Variants in ANKRD13A observed in about 807,000 individuals in gnomAD.
ANKRD13A encodes ankyrin repeat domain 13A, also known as ankyrin repeat domain-containing protein 13A.
In ANKRD13A, 48 loss-of-function variants were observed where a neutral mutation model predicts 81.3. The observed-to-expected ratio is 0.59, with a 90% CI of 0.47 to 0.75. The LOEUF (loss-of-function observed/expected upper bound fraction) is 0.75. Among genes scored for constraint, ANKRD13A ranks in the 30% least tolerant of loss-of-function variants. The probability of loss-of-function intolerance (pLI) is 0.00; values close to 1 mark genes in which losing one functional copy is unlikely to be tolerated. For synonymous variants in ANKRD13A, 230 were observed against 270.1 expected, an observed-to-expected ratio of 0.85 and a Z score of 1.45; for missense variants, 612 against 734.0, an observed-to-expected ratio of 0.83 and a Z score of 1.92.
chr12:110,038,205 T>C lies in ANKRD13A; in HGVS notation c.*651T>C, dbSNP rs1021184530. 1.3e-5 allele frequency: 2 copies of C among 152,814 alleles called. No homozygotes were observed. Among genetic ancestry groups the C allele is most frequent in the South Asian group, 2.1e-4 (1 of 4,834 alleles). 9.5% of individuals were successfully genotyped at this position (152,814 alleles called of 1,614,324 possible). On this transcript the variant is annotated 3_prime_UTR_variant, in exon 15 of 15. Transcript: ENST00000261739. The stretch of plus-strand genomic sequence containing the variant: ...TCAAATTAAGATACACAAATGGCCA[T>C]GGATGTTGCCTTAGCCTTAAACATT...
At chr12:110,032,090 C>A in intron 12 of ANKRD13A, among the ~76,000 whole-genome samples, 1 of 151,994 alleles carries the variant, frequency 6.6e-6, no homozygotes, top group South Asian at 2.1e-4. Flanking sequence ...ACATCTAGTA[C>A]AATGTTGAGT....
chr12:110,027,360 T>C, intron 8 of ANKRD13A: 2 of 260,908 alleles, frequency 7.7e-6, no homozygotes, highest in Non-Finnish European at 1.5e-5. Flanking sequence ...ACCACCACCA[T>C]TGCCATTACT....
rs1566050295 is a variant in ANKRD13A at position 110,013,179 on chromosome 12, A to G, written c.284A>G (p.Gln95Arg). 2.5e-6 allele frequency: 4 copies of G among 1,614,198 alleles called. No individual in the cohort carries two copies. Among genetic ancestry groups the G allele is most frequent in the Non-Finnish European group, 3.4e-6 (4 of 1,180,026 alleles). The change falls in exon 3 of 15, where the codon CAA becomes CGA. Residue 95 changes from glutamine to arginine, a missense_variant. Physicochemically the swap from Gln to Arg is conservative, Grantham distance 43 (BLOSUM62 1). Coordinates refer to ENST00000261739, the MANE Select transcript of ANKRD13A (RefSeq NM_033121.2). ...CCTGAGATGGTGTACACAGTTCTCC[A>G]ACATCGAGACTACCACAACACATCC... ...GDPEMVYTVL[Q>R]HRDYHNTSMA...
rs529527126 is a variant in ANKRD13A at position 110,032,033 on chromosome 12, T to A, written c.1348+1275T>A. 2.0e-4 allele frequency among the ~76,000 whole-genome samples: 30 copies of A among 152,296 alleles called. 1 individual carries two copies. Among genetic ancestry groups the A allele is most frequent in the South Asian group, 1.5e-3 (7 of 4,824 alleles). Reference sequence around the variant, plus strand: ...GAAAATTTTACTTTTTCCTTTCTAATCTTTAAGCTTTTCATTTCTTTTTCT... The same window carrying A: ...GAAAATTTTACTTTTTCCTTTCTAAACTTTAAGCTTTTCATTTCTTTTTCT... On this transcript the variant is annotated intron_variant, in intron 12 of 14. Transcript: ENST00000261739.
intron 1 of ANKRD13A, among the ~76,000 whole-genome samples, chr12:110,001,535 G>A (rs927458133): frequency 6.6e-6 from 1 of 151,534 alleles, no homozygotes; most frequent in Non-Finnish European, 1.5e-5. Context: ...CGCCTCCCGG[G>A]TTCCAGCGAT....
At chr12:110,029,952 A>T (rs1424302701) in intron 11 of ANKRD13A, among the ~76,000 whole-genome samples, 1 of 152,224 alleles carries the variant, frequency 6.6e-6, no homozygotes, top group Non-Finnish European at 1.5e-5. Context: ...GAGACTTCAA[A>T]TTAGATAATT....
rs548545767 is a variant in ANKRD13A at position 110,036,699 on chromosome 12, G to A, written c.1577+371G>A. Among the ~76,000 whole-genome samples, 13 of 152,146 alleles carry A rather than the reference G, an allele frequency of 8.5e-5. No homozygotes were observed. The highest frequency in any genetic ancestry group is 3.3e-4 in the Admixed American group (5 of 15,288). On this transcript the variant is annotated intron_variant, in intron 14 of 14. Transcript: ENST00000261739. The surrounding 1 kb of genome is among the most constrained non-coding windows in gnomAD (Gnocchi z 4.6). ...CAGGAGGCGGAGCTTGCAGTGAGCC[G>A]AGATCGCGCCACTGCACTCCAGCCT...
At chr12:110,001,847 C>G (rs1195082138) in intron 1 of ANKRD13A, among the ~76,000 whole-genome samples, 1 of 152,174 alleles carries the variant, frequency 6.6e-6, no homozygotes, top group Non-Finnish European at 1.5e-5. Context: ...AAATGATTCA[C>G]CATTAGGCAT....
Position 110,036,454 on chromosome 12 carries a change from G to A in ANKRD13A, c.1577+126G>A. On this transcript the variant is annotated intron_variant, in intron 14 of 14. Coordinates refer to ENST00000261739, the MANE Select transcript of ANKRD13A (RefSeq NM_033121.2). This position sits in a 1 kb window ranked among gnomAD's most constrained non-coding sequence, Gnocchi z 4.6. ...TACGGTGCCACAAACTGGCAGGAAAGACTAGAAAAAGTAGGCCAGGAGCGG... is the reference window on the plus strand; with the variant it reads ...TACGGTGCCACAAACTGGCAGGAAAAACTAGAAAAAGTAGGCCAGGAGCGG... 9.3e-7 allele frequency: 1 copy of A among 1,070,152 alleles called. No homozygotes were observed. The highest frequency in any genetic ancestry group is 1.3e-5 in the South Asian group (1 of 77,604). The allele number at this position is 1,070,152 out of a possible 1,614,324, so 66.3% of individuals were successfully genotyped here. A position where few individuals can be genotyped will look rare whatever the true frequency, so the allele number is the denominator to read the frequency against.
chr12:110,020,389 G>C (rs531062611), intron 6 of ANKRD13A, among the ~76,000 whole-genome samples: 5 of 152,310 alleles, frequency 3.3e-5, no homozygotes, highest in Middle Eastern at 3.4e-3. Flanking sequence ...GTTTAGTCAA[G>C]CATAAAACTT....
intron 12 of ANKRD13A, among the ~76,000 whole-genome samples, chr12:110,031,870 CT>C (rs58401827): frequency 0.03 from 4,448 of 149,182 alleles, 126 homozygotes; most frequent in African/African-American, 0.072. Context: ...AATTTTTTAT[CT>C]TTTTTTTTTC....
intron 12 of ANKRD13A, 56 bp downstream of exon 12, chr12:110,030,814 G>C: frequency 1.6e-6 from 2 of 1,217,576 alleles, no homozygotes; most frequent in Non-Finnish European, 2.3e-6. Context: ...AAAATTTATG[G>C]CCGGACGTGG....
At chr12:110,000,300 G>T (rs1203712455) in intron 1 of ANKRD13A, among the ~76,000 whole-genome samples, 1 of 152,196 alleles carries the variant, frequency 6.6e-6, no homozygotes, top group Non-Finnish European at 1.5e-5. Context: ...TAACTTAGCT[G>T]TAGAATGAGG....
Position 110,036,750 on chromosome 12 carries a change from A to AG in ANKRD13A, c.1577+422_1577+423insG, listed in dbSNP as rs1050861585. On this transcript the variant is annotated intron_variant, in intron 14 of 14. Coordinates refer to ENST00000261739, the MANE Select transcript of ANKRD13A (RefSeq NM_033121.2). This position sits in a 1 kb window ranked among gnomAD's most constrained non-coding sequence, Gnocchi z 4.6. Reference sequence around the variant, plus strand: ...GGGCGATAGAGCGAGACTCCGTCTCAAAAAAAAAAAAGACTAAAGTGTTGG... The same window carrying AG: ...GGGCGATAGAGCGAGACTCCGTCTCAGAAAAAAAAAAAGACTAAAGTGTTGG... Among the ~76,000 whole-genome samples, 2 of 132,796 alleles carry AG rather than the reference A, an allele frequency of 1.5e-5. No individual in the cohort carries two copies. The highest frequency in any genetic ancestry group is 6.3e-5 in the African/African-American group (2 of 31,704). The allele number at this position is 132,796 out of a possible 152,430, so 87.1% of individuals were successfully genotyped here.
rs1348939363 is a variant in ANKRD13A at position 110,039,493 on chromosome 12, TC to T, written c.*1941del. On this transcript the variant is annotated 3_prime_UTR_variant, in exon 15 of 15. Transcript: ENST00000261739. ...TCTAGTCACTGGATGTACCCACACT[TC>T]CTGTTACGTATGTCAGTAGAACATT... is the stretch of plus-strand genomic sequence containing the variant. 86 of 152,338 alleles carry T rather than the reference TC, an allele frequency of 5.6e-4. No individual in the cohort carries two copies. Among genetic ancestry groups the T allele is most frequent in the Non-Finnish European group, 9.1e-4 (62 of 68,034 alleles). 9.4% of individuals were successfully genotyped at this position (152,338 alleles called of 1,614,324 possible).
chr12:110,030,651 CCTT>C lies in ANKRD13A; in HGVS notation c.1242_1244del (p.Leu415del). On this transcript the variant is annotated inframe_deletion, in exon 12 of 15. Transcript: ENST00000261739. ...TTTTTATTTTGTTTGTTAGAAATTC[CCTT>C]GTTTCATGTCTTAAATGCACGGATT... 6.3e-7 allele frequency: 1 copy of C among 1,584,086 alleles called. No homozygotes were observed. The highest frequency in any genetic ancestry group is 8.6e-7 in the Non-Finnish European group (1 of 1,164,634).
At chr12:110,035,810 G>A (rs1483653867) in intron 13 of ANKRD13A, among the ~76,000 whole-genome samples, 1 of 152,094 alleles carries the variant, frequency 6.6e-6, no homozygotes, top group African/African-American at 2.4e-5. Context: ...CAACTAGTCA[G>A]GAGGCTTAGG....
intron 6 of ANKRD13A, among the ~76,000 whole-genome samples, chr12:110,019,753 C>T (rs972819509): frequency 2.0e-5 from 3 of 152,152 alleles, no homozygotes; most frequent in Non-Finnish European, 2.9e-5. Flanking sequence ...CAGATTCACA[C>T]TTACTATATA....
intron 3 of ANKRD13A, 77 bp from the exon 4 acceptor site, chr12:110,016,311 G>T: frequency 9.1e-4 from 849 of 931,246 alleles, no homozygotes; most frequent in Non-Finnish European, 1.2e-3. Context: ...GGGTTTTTAA[G>T]AACCCTGTTA....
Sources: allele counts gnomAD v4.1 joint callset (sites outside exome capture counted in the v4.1 genomes callset), GRCh38; gene constraint gnomAD v4.1.1; non-coding constraint Gnocchi (gnomAD v3.1); transcripts MANE v1.5; gene names NCBI Gene and HGNC (gene_info 2026-07-23, HGNC 2026-07-21).